Variants in DNAJC9 observed in about 807,000 individuals in gnomAD.
DNAJC9 encodes dnaJ homolog subfamily C member 9.
DNAJC9 carries 18 observed loss-of-function variants against 32.4 expected under a neutral mutation model. The observed-to-expected ratio is 0.56, with a 90% CI of 0.38 to 0.82. The LOEUF is 0.82. DNAJC9 is among the 40% of genes least tolerant of loss of function. The pLI, the probability that DNAJC9 is intolerant of heterozygous loss-of-function variation, is 0.00. For synonymous variants in DNAJC9, 113 were observed against 122.1 expected (o/e 0.93, Z 0.49); for missense variants, 310 against 321.8 (o/e 0.96, Z 0.28).
chr10:73,238,398 A>G (rs2043870626), downstream of DNAJC9, among the ~76,000 whole-genome samples: 1 of 152,244 alleles, frequency 6.6e-6, no homozygotes, highest in Non-Finnish European at 1.5e-5. Context: ...ACTACAGACT[A>G]GCACTTTGCT....
chr10:73,245,496 T>C (rs543508694), intron 3 of DNAJC9, among the ~76,000 whole-genome samples: 49 of 150,538 alleles, frequency 3.3e-4, no homozygotes, highest in Admixed American at 2.4e-3. Flanking sequence ...AACTCAAGAA[T>C]CAAATTCGGG....
At chr10:73,232,988 T>G (rs2043742618) in intron 2 of DNAJC9, 2 of 1,551,974 alleles carry the variant, frequency 1.3e-6, no homozygotes, top group African/African-American at 2.7e-5. Flanking sequence ...TACCATCCTT[T>G]CAACTCGAAA....
chr10:73,243,479 A>G lies in DNAJC9; in HGVS notation c.704T>C (p.Leu235Pro). 6.2e-7 allele frequency: 1 copy of G among 1,614,164 alleles called. No individual in the cohort carries two copies. The highest frequency in any genetic ancestry group is 8.5e-7 in the Non-Finnish European group (1 of 1,180,024). Residue 235 changes from leucine to proline, a missense_variant, in exon 5 of 5, where the codon CTG becomes CCG. Physicochemically the swap from Leu to Pro is moderately conservative, Grantham distance 98. Transcript: ENST00000372950. ...KDRQKEMDNFLAQMEAKYCKS... is the reference protein window; with the variant it reads ...KDRQKEMDNFPAQMEAKYCKS... ...GCAGTACTTTGCTTCCATCTGAGCC[A>G]GAAAATTGTCCATTTCCTTTTGCCG...
downstream of DNAJC9, chr10:73,235,421 C>T: frequency 6.7e-7 from 1 of 1,485,676 alleles, no homozygotes; most frequent in Non-Finnish European, 8.9e-7. Context: ...AGGCTTAACC[C>T]AGAATAAAAG....
chr10:73,236,047 C>G (rs2043813080), downstream of DNAJC9, among the ~76,000 whole-genome samples: 1 of 152,180 alleles, frequency 6.6e-6, no homozygotes, highest in African/African-American at 2.4e-5. Flanking sequence ...GACCCCACAT[C>G]CTGACAGTTT....
chr10:73,234,538 C>T (rs933846545), downstream of DNAJC9: 1 of 352,934 alleles, frequency 2.8e-6, no homozygotes, highest in Admixed American at 4.4e-5. Flanking sequence ...AAGTGCAATA[C>T]CAGATAGGGA....
At position 73,246,738 on chromosome 10, in the gene DNAJC9, G is replaced by A. The variant is rs747021758; in HGVS notation, c.271C>T (p.Leu91Phe). The A allele has an allele frequency of 6.2e-5, 100 of 1,613,976 alleles. No individual in the cohort carries two copies. Among genetic ancestry groups the A allele is most frequent in the Non-Finnish European group, 8.0e-5 (94 of 1,179,958 alleles). The change falls in exon 2 of 5, where the codon CTC becomes TTC. Residue 91 changes from leucine (L) to phenylalanine (F), a missense_variant. Coordinates refer to ENST00000372950, the MANE Select transcript of DNAJC9 (RefSeq NM_015190.5). The part of the protein sequence containing the change: ...QGTVDEDSPV[L>F]TQDRDWEAYW... ...GCCTCCCAGTCTCGGTCTTGGGTGA[G>A]CACAGGAGAGTCCTCGTCCACTGTT...
chr10:73,243,040 A>C lies in DNAJC9; in HGVS notation c.*360T>G. On this transcript the variant is annotated 3_prime_UTR_variant, in exon 5 of 5. Coordinates refer to ENST00000372950, the MANE Select transcript of DNAJC9 (RefSeq NM_015190.5). Reference sequence around the variant, plus strand: ...GGTGTTCTAGCTGGGTAGAGAGCCTATTCTAACAGACACGCACATCGCAGA... The same window carrying C: ...GGTGTTCTAGCTGGGTAGAGAGCCTCTTCTAACAGACACGCACATCGCAGA... 1 of 202,552 alleles carries C rather than the reference A, an allele frequency of 4.9e-6. No individual in the cohort carries two copies. The highest frequency in any genetic ancestry group is 1.0e-5 in the Non-Finnish European group (1 of 99,286). 12.5% of individuals were successfully genotyped at this position (202,552 alleles called of 1,614,324 possible).
chr10:73,235,537 A>G, downstream of DNAJC9: 1 of 1,093,102 alleles, frequency 9.1e-7, no homozygotes, highest in Non-Finnish European at 1.2e-6. Flanking sequence ...CAAATATTCT[A>G]AGCAATTTAA....
At chr10:73,239,204 C>G, downstream of DNAJC9, 4 of 895,968 alleles carry the variant, frequency 4.5e-6, no homozygotes, top group Non-Finnish European at 7.0e-6. Context: ...AGTTGGTAGT[C>G]TATGCCTTTT....
At chr10:73,239,869 C>T (rs1014519424), downstream of DNAJC9, among the ~76,000 whole-genome samples, 2 of 152,088 alleles carry the variant, frequency 1.3e-5, no homozygotes, top group Non-Finnish European at 2.9e-5. Flanking sequence ...CGCATTAACT[C>T]TTTTTATCTT....
At chr10:73,244,920 AG>A (rs1050665032) in intron 3 of DNAJC9, among the ~76,000 whole-genome samples, 4 of 152,108 alleles carry the variant, frequency 2.6e-5, no homozygotes, top group African/African-American at 9.7e-5. Context: ...CATCCCCCTA[AG>A]GTTTGTTGAA....
chr10:73,233,226 T>A, intron 2 of DNAJC9: 1 of 1,118,690 alleles, frequency 8.9e-7, no homozygotes, highest in Non-Finnish European at 1.3e-6. Flanking sequence ...ACATACAGAA[T>A]TAATTTAAAT....
chr10:73,237,640 T>C (rs2043850598), downstream of DNAJC9, among the ~76,000 whole-genome samples: 1 of 152,210 alleles, frequency 6.6e-6, no homozygotes, highest in Non-Finnish European at 1.5e-5. Context: ...CAGGCTGGTC[T>C]TGAACTTCTG....
Position 73,246,883 on chromosome 10 carries a change from C to T in DNAJC9, c.181-55G>A, listed in dbSNP as rs557404816. ...CCTGCTCCTCCCACCGAAACGGCGGCGCGAGAAATAAAGATCAGAAGGCGC... is the reference window on the plus strand; with the variant it reads ...CCTGCTCCTCCCACCGAAACGGCGGTGCGAGAAATAAAGATCAGAAGGCGC... On this transcript the variant is annotated intron_variant, in intron 1 of 4. Transcript: ENST00000372950. 1.9e-5 allele frequency: 31 copies of T among 1,608,760 alleles called. 1 individual carries two copies. The South Asian group carries it at 3.4e-4, about 18-fold the overall frequency.
downstream of DNAJC9, among the ~76,000 whole-genome samples, chr10:73,240,513 C>T (rs368835092): frequency 1.4e-4 from 22 of 152,218 alleles, no homozygotes; most frequent in Admixed American, 6.5e-4. Flanking sequence ...CATATTGAGA[C>T]CATCCTGGCT....
At chr10:73,237,790 A>G (rs748071589), downstream of DNAJC9, among the ~76,000 whole-genome samples, 2 of 151,730 alleles carry the variant, frequency 1.3e-5, no homozygotes, top group East Asian at 2.0e-4. Context: ...TAGTGGTGCA[A>G]TCAGCACACT....
downstream of DNAJC9, among the ~76,000 whole-genome samples, chr10:73,238,229 C>A (rs1487158784): frequency 1.3e-5 from 2 of 152,122 alleles, no homozygotes; most frequent in Non-Finnish European, 2.9e-5. Context: ...TGCCTGTAAT[C>A]CCAGCTACTC....
chr10:73,241,179 A>T (rs3763725), downstream of DNAJC9: 22 of 599,720 alleles, frequency 3.7e-5, no homozygotes, highest in South Asian at 4.1e-4. Flanking sequence ...ACACCATAGC[A>T]GCCAAAAATG....
Sources: allele counts gnomAD v4.1 joint callset (sites outside exome capture counted in the v4.1 genomes callset), GRCh38; gene constraint gnomAD v4.1.1; transcripts MANE v1.5; gene names NCBI Gene and HGNC (gene_info 2026-07-23, HGNC 2026-07-21).